Variants in PTPRM observed in about 807,000 individuals in gnomAD.
PTPRM encodes the protein protein tyrosine phosphatase receptor type M, also known as receptor-type tyrosine-protein phosphatase mu.
A neutral mutation model predicts 186.7 loss-of-function variants in PTPRM; 47 were observed. The ratio of observed to expected loss-of-function variants is 0.25; its 90% CI spans 0.20 to 0.32. The LOEUF is 0.32. Ranked by LOEUF, PTPRM falls within the 10% of genes least tolerant of loss-of-function variation. PTPRM has a pLI of 1.00. For missense variants in PTPRM, 1,494 were observed against 1,865.0 expected (o/e 0.80, Z 3.66); for synonymous variants, 668 against 674.9 (o/e 0.99, Z 0.16).
Position 7,834,491 on chromosome 18 carries a change from T to TACACACACACACACACATAC in PTPRM, c.197-53598_197-53597insTACACACACACACACACACA, listed in dbSNP as rs756488501. 9.0e-3 allele frequency among the ~76,000 whole-genome samples: 759 copies of TACACACACACACACACATAC among 84,606 alleles called. 26 individuals are homozygous for TACACACACACACACACATAC. The highest frequency in any genetic ancestry group is 0.015 in the East Asian group (47 of 3,172). The allele number at this position is 84,606 out of a possible 152,430, so 55.5% of individuals were successfully genotyped here. ...TAAAATACAGGCCAATATACAAGTA[T>TACACACACACACACACATAC]ACACACACACACACACACACACACA... On this transcript the variant is annotated intron_variant, in intron 2 of 32. Coordinates refer to ENST00000580170, the MANE Select transcript of PTPRM (RefSeq NM_001105244.2).
chr18:8,105,827 A>G (rs1272846474), intron 11 of PTPRM, among the ~76,000 whole-genome samples: 3 of 152,238 alleles, frequency 2.0e-5, no homozygotes, highest in Admixed American at 2.0e-4. Context: ...TACTTACGTA[A>G]TATTTTGATA....
rs577458892 is a variant in PTPRM at position 8,360,384 on chromosome 18, C to T, written c.3055-10506C>T. On this transcript the variant is annotated intron_variant, in intron 23 of 32. Transcript: ENST00000580170. ...GGAACGGGTCTGGACACACCTCTGCCGTGAAATCTATGCAAAAAAAACCCT... is the reference window on the plus strand; with the variant it reads ...GGAACGGGTCTGGACACACCTCTGCTGTGAAATCTATGCAAAAAAAACCCT... Among the ~76,000 whole-genome samples, 8 of 136,788 alleles carry T rather than the reference C, an allele frequency of 5.8e-5. No individual in the cohort carries two copies. In the South Asian group the frequency reaches 7.8e-4, roughly 13 times the overall value. 89.7% of individuals were successfully genotyped at this position (136,788 alleles called of 152,430 possible). A position where few individuals can be genotyped will look rare whatever the true frequency, so the allele number is the denominator to read the frequency against.
intron 1 of PTPRM, among the ~76,000 whole-genome samples, chr18:7,571,282 C>G (rs1399277270): frequency 6.6e-6 from 1 of 152,058 alleles, no homozygotes; most frequent in African/African-American, 2.4e-5. Context: ...ATTTGTTAGG[C>G]AAAATAATGG....
rs1182113850 is a variant in PTPRM, at chr18:7,668,090, T to C, written c.73+100199T>C. Among the ~76,000 whole-genome samples the C allele has an allele frequency of 1.3e-5, 2 of 152,086 alleles. No homozygotes were observed. Among genetic ancestry groups the C allele is most frequent in the Non-Finnish European group, 2.9e-5 (2 of 68,004 alleles). On this transcript the variant is annotated intron_variant, in intron 1 of 32. Coordinates refer to ENST00000580170, the MANE Select transcript of PTPRM (RefSeq NM_001105244.2). This position sits in a 1 kb window ranked among gnomAD's most constrained non-coding sequence, Gnocchi z 4.7. Reference sequence around the variant, plus strand: ...CCCCCGTTTTTTATTTTTATGGTGGTGGTTGTAATGTATTTGCTTTTAGAG... The same window carrying C: ...CCCCCGTTTTTTATTTTTATGGTGGCGGTTGTAATGTATTTGCTTTTAGAG...
chr18:7,617,673 G>T (rs979967087), intron 1 of PTPRM, among the ~76,000 whole-genome samples: 18 of 152,050 alleles, frequency 1.2e-4, no homozygotes. Flanking sequence ...TTAAACACTG[G>T]TGTGTGTGTG....
chr18:8,068,491 T>C (rs1200052651), intron 7 of PTPRM, among the ~76,000 whole-genome samples: 1 of 152,240 alleles, frequency 6.6e-6, no homozygotes, highest in East Asian at 1.9e-4. Flanking sequence ...TTTCTCTGCA[T>C]ATATTTTGTT....
At chr18:8,187,364 A>G (rs1040180301) in intron 14 of PTPRM, among the ~76,000 whole-genome samples, 3 of 152,146 alleles carry the variant, frequency 2.0e-5, no homozygotes, top group Non-Finnish European at 4.4e-5. Context: ...TGGTGCATCT[A>G]GGGGCTGGAG....
intron 19 of PTPRM, among the ~76,000 whole-genome samples, chr18:8,262,966 G>C (rs562259586): frequency 6.6e-6 from 1 of 152,156 alleles, no homozygotes; most frequent in Admixed American, 6.5e-5. Flanking sequence ...ATATAGGATC[G>C]GGTGGGCTAG....
rs1185121578 is a variant in PTPRM, at chr18:8,046,121, T to G, written c.1133-23565T>G. Among the ~76,000 whole-genome samples, 31 of 152,142 alleles carry G rather than the reference T, an allele frequency of 2.0e-4. 2 individuals are homozygous for G. The highest frequency in any genetic ancestry group is 2.0e-3 in the Admixed American group (31 of 15,282). Reference sequence around the variant, plus strand: ...TTATAAGTGCTTGTCATTTCCCTTCTGGCACTTATTGTCTCTGCTGCCACC... The same window carrying G: ...TTATAAGTGCTTGTCATTTCCCTTCGGGCACTTATTGTCTCTGCTGCCACC... On this transcript the variant is annotated intron_variant, in intron 7 of 32. Coordinates refer to ENST00000580170, the MANE Select transcript of PTPRM (RefSeq NM_001105244.2).
In PTPRM at chr18:7,979,145, A is replaced by G. The variant is rs565943480; in HGVS notation, c.1132+23731A>G. Among the ~76,000 whole-genome samples the G allele has an allele frequency of 1.7e-4, 26 of 152,248 alleles. No individual in the cohort carries two copies. The South Asian group carries it at 3.9e-3, about 23-fold the overall frequency. On this transcript the variant is annotated intron_variant, in intron 7 of 32. Coordinates refer to ENST00000580170, the MANE Select transcript of PTPRM (RefSeq NM_001105244.2). ...GAGAGATGATTTCTGCAGATGATCTATGTCCAGCCAACTGAGGAAATCACT... is the reference window on the plus strand; with the variant it reads ...GAGAGATGATTTCTGCAGATGATCTGTGTCCAGCCAACTGAGGAAATCACT...
intron 30 of PTPRM, among the ~76,000 whole-genome samples, chr18:8,385,457 G>C (rs2095765986): frequency 6.6e-6 from 1 of 152,256 alleles, no homozygotes; most frequent in Non-Finnish European, 1.5e-5. Flanking sequence ...TGTGTGCCCT[G>C]TGAGCCAAGA....
chr18:7,788,185 G>A (rs982974173), intron 2 of PTPRM, among the ~76,000 whole-genome samples: 3 of 152,172 alleles, frequency 2.0e-5, no homozygotes, highest in Non-Finnish European at 2.9e-5. Flanking sequence ...ATCCCTGAGT[G>A]TTAGGGTTTT....
intron 14 of PTPRM, among the ~76,000 whole-genome samples, chr18:8,234,205 A>G (rs2094318550): frequency 6.6e-6 from 1 of 152,174 alleles, no homozygotes; most frequent in Non-Finnish European, 1.5e-5. Flanking sequence ...ATTTGGGAAG[A>G]ATTGACATGT....
chr18:7,879,253 G>A (rs1165826790), intron 2 of PTPRM, among the ~76,000 whole-genome samples: 1 of 152,154 alleles, frequency 6.6e-6, no homozygotes, highest in Non-Finnish European at 1.5e-5. Flanking sequence ...TATGATAACT[G>A]TGTTTCACAA....
At chr18:7,671,768 A>T (rs755002551) in intron 1 of PTPRM, among the ~76,000 whole-genome samples, 3 of 152,360 alleles carry the variant, frequency 2.0e-5, no homozygotes, top group Non-Finnish European at 4.4e-5. Context: ...AATTAAAAAA[A>T]TAAGCAAATA....
intron 21 of PTPRM, among the ~76,000 whole-genome samples, chr18:8,318,285 C>CTTTTT (rs140026832): frequency 4.7e-4 from 28 of 59,930 alleles, no homozygotes; most frequent in African/African-American, 2.1e-3. Flanking sequence ...TTGTTTCCTT[C>CTTTTT]TTTTTTTTTT....
At chr18:8,298,625 C>T (rs2095122161) in intron 20 of PTPRM, among the ~76,000 whole-genome samples, 1 of 152,212 alleles carries the variant, frequency 6.6e-6, no homozygotes, top group African/African-American at 2.4e-5. Context: ...ACTCTAAGCA[C>T]TTTGCACATC....
intron 4 of PTPRM, among the ~76,000 whole-genome samples, chr18:7,920,427 C>T (rs2050792243): frequency 6.6e-6 from 1 of 152,042 alleles, no homozygotes; most frequent in Non-Finnish European, 1.5e-5. Flanking sequence ...AAAGAGATGA[C>T]AACTTATCTT....
chr18:8,352,621 CTTTT>C (rs1568809221), intron 23 of PTPRM, among the ~76,000 whole-genome samples: 1 of 114,336 alleles, frequency 8.7e-6, no homozygotes, highest in South Asian at 3.1e-4. Context: ...TGATTTCATT[CTTTT>C]TCTTTTCTTT....
Sources: allele counts gnomAD v4.1 joint callset (sites outside exome capture counted in the v4.1 genomes callset), GRCh38; gene constraint gnomAD v4.1.1; non-coding constraint Gnocchi (gnomAD v3.1); transcripts MANE v1.5; gene names NCBI Gene and HGNC (gene_info 2026-07-23, HGNC 2026-07-21).